The following FDXR variants were observed in gnomAD, a reference collection of about 807,000 sequenced individuals.
FDXR encodes ferredoxin reductase.
Under a neutral mutation model 58.3 loss-of-function variants are expected in FDXR, and 38 were observed. That is an observed-to-expected ratio of 0.65 (90% confidence interval 0.50 to 0.85). The LOEUF (loss-of-function observed/expected upper bound fraction) is 0.85, where lower values mean the gene tolerates loss of function less well. Among genes scored for constraint, FDXR ranks in the 40% least tolerant of loss-of-function variants. The pLI, the probability that FDXR is intolerant of heterozygous loss-of-function variation, is 0.00. For missense variants in FDXR, 624 were observed against 671.0 expected (o/e 0.93, Z 0.77); for synonymous variants, 275 against 273.8 (o/e 1.00, Z -0.04).
rs1018686057 is a variant in FDXR, at chr17:74,864,663, C to T, written c.718-99G>A. 10 of 1,403,462 alleles carry T rather than the reference C, an allele frequency of 7.1e-6. No individual in the cohort carries two copies. In the Middle Eastern group the frequency reaches 6.6e-4, roughly 92 times the overall value. 86.9% of individuals were successfully genotyped at this position (1,403,462 alleles called of 1,614,324 possible). A position where few individuals can be genotyped will look rare whatever the true frequency, so the allele number is the denominator to read the frequency against. On this transcript the variant is annotated intron_variant, in intron 7 of 11. Transcript: ENST00000293195. Reference sequence around the variant, plus strand: ...CCAGCCCAGGCAGGAGAGACCACCACCCGCCTCCTCCCCAAAGGCACAGGG... The same window carrying T: ...CCAGCCCAGGCAGGAGAGACCACCATCCGCCTCCTCCCCAAAGGCACAGGG...
chr17:74,864,801 T>A, intron 7 of FDXR, 23 bp downstream of exon 7: 2 of 1,613,210 alleles, frequency 1.2e-6, no homozygotes, highest in Non-Finnish European at 1.7e-6. Context: ...GAACCCTGGC[T>A]CCTCCCACTC....
chr17:74,871,581 A>G lies in FDXR; in HGVS notation c.177+455T>C, dbSNP rs142159591. ...GGGGAGGGGCAGAGGGCAGGCTGAA[A>G]GAACAGAATGGCACGGAGGACTGGA... On this transcript the variant is annotated intron_variant, in intron 2 of 11. Transcript: ENST00000293195. Among the ~76,000 whole-genome samples, 395 of 152,324 alleles carry G rather than the reference A, an allele frequency of 2.6e-3. 1 individual carries two copies. Among genetic ancestry groups the G allele is most frequent in the Non-Finnish European group, 4.2e-3 (289 of 68,016 alleles).
At position 74,862,699 on chromosome 17, in the gene FDXR, C is replaced by T. The variant is rs184434227; in HGVS notation, c.*118G>A. 1.5e-6 allele frequency: 2 copies of T among 1,358,396 alleles called. No homozygotes were observed. The highest frequency in any genetic ancestry group is 1.5e-5 in the South Asian group (1 of 68,610). 84.1% of individuals were successfully genotyped at this position (1,358,396 alleles called of 1,614,324 possible). A position where few individuals can be genotyped will look rare whatever the true frequency, so the allele number is the denominator to read the frequency against. The stretch of plus-strand genomic sequence containing the variant: ...GAGAGACGCTGGAAGAGCAGCCAAG[C>T]CTCCAAGCCAGGGCCGGCCGGGATC... On this transcript the variant is annotated 3_prime_UTR_variant, in exon 12 of 12. Transcript: ENST00000293195.
chr17:74,864,400 C>A (rs1344222677), intron 8 of FDXR, 53 bp from the exon 9 acceptor site: 4 of 1,603,690 alleles, frequency 2.5e-6, no homozygotes, highest in Non-Finnish European at 3.4e-6. Flanking sequence ...GGCCCTCTCC[C>A]TGCATGCCCT....
At chr17:74,869,823 C>T (rs1289180133) in intron 2 of FDXR, 2 of 388,394 alleles carry the variant, frequency 5.1e-6, no homozygotes, top group Non-Finnish European at 1.1e-5. Context: ...ATGTTACGTC[C>T]AGTAAATGAT....
chr17:74,863,249 G>C lies in FDXR; in HGVS notation c.1175-3C>G, dbSNP rs770604398. On this transcript the variant is annotated splice_polypyrimidine_tract_variant and splice_region_variant and intron_variant, in intron 10 of 11. Coordinates refer to ENST00000293195, the MANE Select transcript of FDXR (RefSeq NM_024417.5). ...CACCCAGCCGCTGCAGTAGAGGCCTGAGAGGGGGTAACAAAAGGGGAAGGG... is the reference window on the plus strand; with the variant it reads ...CACCCAGCCGCTGCAGTAGAGGCCTCAGAGGGGGTAACAAAAGGGGAAGGG... 6.2e-6 allele frequency: 10 copies of C among 1,610,186 alleles called. No individual in the cohort carries two copies. The Admixed American group carries it at 1.7e-4, about 27-fold the overall frequency.
chr17:74,872,478 G>T, intron 1 of FDXR: 1 of 628,626 alleles, frequency 1.6e-6, no homozygotes, highest in Non-Finnish European at 2.7e-6. Context: ...TCTCCCCACG[G>T]TGTCCCTCCT....
At position 74,864,245 on chromosome 17, in the gene FDXR, G is replaced by A; in HGVS notation, c.905C>T (p.Ala302Val). The change falls in exon 9 of 12, where the codon GCC (alanine) becomes GTC (valine). Residue 302 changes from alanine to valine, a missense_variant. Physicochemically the swap from Ala to Val is moderately conservative, Grantham distance 64 (BLOSUM62 0). Coordinates refer to ENST00000293195, the MANE Select transcript of FDXR (RefSeq NM_024417.5). Reference sequence around the variant, plus strand: ...GCTTCGGAAAAAGCGGAGGCCCCAGGCACGGGAGGCCGATGCCTGGCGGGC... The same window carrying A: ...GCTTCGGAAAAAGCGGAGGCCCCAGACACGGGAGGCCGATGCCTGGCGGGC... ...EAARQASASRAWGLRFFRSPQ... is the reference protein window; with the variant it reads ...EAARQASASRVWGLRFFRSPQ... The A allele has an allele frequency of 6.2e-7, 1 of 1,603,894 alleles. No individual in the cohort carries two copies. The highest frequency in any genetic ancestry group is 8.5e-7 in the Non-Finnish European group (1 of 1,172,918).
In FDXR at chr17:74,865,767, C is replaced by A; in HGVS notation, c.561G>T (p.Val187=). 1 of 1,613,724 alleles carries A rather than the reference C, an allele frequency of 6.2e-7. No individual in the cohort carries two copies. The highest frequency in any genetic ancestry group is 1.1e-5 in the South Asian group (1 of 91,006). The change falls in exon 6 of 12, where the codon GTG becomes GTT. Residue 187 remains valine, a synonymous_variant. Transcript: ENST00000293195. The part of the protein sequence containing the change: ...DTAVILGQGN[V]ALDVARILLT... ...GTAGGATGCGGGCCACGTCCAGAGCCACGTTCCCCTGCCCCAGAATCACGG... is the reference window on the plus strand; with the variant it reads ...GTAGGATGCGGGCCACGTCCAGAGCAACGTTCCCCTGCCCCAGAATCACGG...
chr17:74,864,726 G>C lies in FDXR; in HGVS notation c.717+98C>G, dbSNP rs564282507. 37 of 1,545,088 alleles carry C rather than the reference G, an allele frequency of 2.4e-5. No homozygotes were observed. The East Asian group carries it at 7.9e-4, about 33-fold the overall frequency. On this transcript the variant is annotated intron_variant, in intron 7 of 11. Transcript: ENST00000293195. ...TGACTGCTCCCCTTCTTCCATCCCA[G>C]GCAGCAGCTACTCCCAGGGGCTCTG...
At chr17:74,869,238 T>C (rs2038293420) in intron 2 of FDXR, among the ~76,000 whole-genome samples, 1 of 152,258 alleles carries the variant, frequency 6.6e-6, no homozygotes, top group East Asian at 1.9e-4. Context: ...CAAGAATCCT[T>C]CGGGGTGTTT....
At position 74,872,988 on chromosome 17, in the gene FDXR, G is replaced by A. The variant is rs1334495872; in HGVS notation, c.-44C>T. ...GCAAGTGGATCTGTTCCTAGCTACTGCTCCGCAGGGCAAGCCCGCTCCTGC... is the reference window on the plus strand; with the variant it reads ...GCAAGTGGATCTGTTCCTAGCTACTACTCCGCAGGGCAAGCCCGCTCCTGC... On this transcript the variant is annotated 5_prime_UTR_variant, in exon 1 of 12. Transcript: ENST00000293195. The A allele has an allele frequency of 2.0e-6, 3 of 1,515,704 alleles. No homozygotes were observed. The highest frequency in any genetic ancestry group is 2.7e-6 in the Non-Finnish European group (3 of 1,122,080). The allele number at this position is 1,515,704 out of a possible 1,614,324, so 93.9% of individuals were successfully genotyped here.
chr17:74,869,952 G>C (rs1427996558), intron 2 of FDXR: 4 of 453,398 alleles, frequency 8.8e-6, no homozygotes, highest in Non-Finnish European at 1.8e-5. Context: ...ATCCTTACCT[G>C]TGAAGCAAGA....
chr17:74,864,644 C>T, intron 7 of FDXR, 80 bp from the exon 8 acceptor site: 4 of 1,462,780 alleles, frequency 2.7e-6, no homozygotes, highest in East Asian at 4.7e-5. Flanking sequence ...GGGTCCAGCC[C>T]AGGCAGGAGA....
chr17:74,870,750 A>C (rs1598538425), intron 2 of FDXR, among the ~76,000 whole-genome samples: 3 of 132,980 alleles, frequency 2.3e-5, no homozygotes, highest in East Asian at 2.3e-4. Context: ...GGAGGCCCTC[A>C]CCAAAGCCCT....
intron 2 of FDXR, chr17:74,868,489 C>T: frequency 1.7e-6 from 2 of 1,181,744 alleles, no homozygotes; most frequent in Non-Finnish European, 2.4e-6. Context: ...GGGCCCAGTG[C>T]CACAGCATAA....
In FDXR at chr17:74,868,767, T is replaced by C. The variant is rs552070141; in HGVS notation, c.178-1891A>G. 287 of 1,476,722 alleles carry C rather than the reference T, an allele frequency of 1.9e-4. 4 individuals are homozygous for C. In the South Asian group the frequency reaches 2.3e-3, roughly 12 times the overall value. The allele number at this position is 1,476,722 out of a possible 1,614,324, so 91.5% of individuals were successfully genotyped here. A position where few individuals can be genotyped will look rare whatever the true frequency, so the allele number is the denominator to read the frequency against. On this transcript the variant is annotated intron_variant, in intron 2 of 11. Coordinates refer to ENST00000293195, the MANE Select transcript of FDXR (RefSeq NM_024417.5). Reference sequence around the variant, plus strand: ...AGGACATTCTCTGAGGTTCTTCCGATTGGCCCCCCTCCCTCCTCCCTGAGG... The same window carrying C: ...AGGACATTCTCTGAGGTTCTTCCGACTGGCCCCCCTCCCTCCTCCCTGAGG...
At chr17:74,866,956 A>G in intron 2 of FDXR, 80 bp from the exon 3 acceptor site, 1 of 1,561,308 alleles carries the variant, frequency 6.4e-7, no homozygotes, top group Non-Finnish European at 8.7e-7. Flanking sequence ...TTCCCCAGAC[A>G]GAGCAGGAGA....
chr17:74,866,711 C>A, intron 3 of FDXR, 73 bp downstream of exon 3: 2 of 1,591,888 alleles, frequency 1.3e-6, no homozygotes, highest in Non-Finnish European at 1.7e-6. Context: ...GTCATCCAGC[C>A]AGGGAGCCTC....
Sources: allele counts gnomAD v4.1 joint callset (sites outside exome capture counted in the v4.1 genomes callset), GRCh38; gene constraint gnomAD v4.1.1; transcripts MANE v1.5; gene names NCBI Gene and HGNC (gene_info 2026-07-23, HGNC 2026-07-21).